The following TRAM1 variants were observed in gnomAD, a reference collection of about 807,000 sequenced individuals.
The protein encoded by TRAM1 is translocating chain-associated membrane protein 1.
Under a neutral mutation model 48.7 loss-of-function variants are expected in TRAM1, and 17 were observed. The observed-to-expected ratio is 0.35, with a 90% CI of 0.24 to 0.52. TRAM1 has a LOEUF of 0.52. TRAM1 is among the 20% of genes least tolerant of loss of function. The pLI is 0.94. For missense variants in TRAM1, 351 were observed against 441.5 expected (o/e 0.79, Z 1.84); for synonymous variants, 182 against 154.0 (o/e 1.18, Z -1.34).
chr8:70,600,517 C>T (rs1285263739), intron 1 of TRAM1, among the ~76,000 whole-genome samples: 2 of 152,160 alleles, frequency 1.3e-5, no homozygotes, highest in African/African-American at 2.4e-5. Flanking sequence ...TAGTATCCCA[C>T]ACACCCAGCA....
chr8:70,601,210 TA>T (rs1817602136), intron 1 of TRAM1, among the ~76,000 whole-genome samples: 1 of 152,112 alleles, frequency 6.6e-6, no homozygotes, highest in Non-Finnish European at 1.5e-5. Context: ...CCCTACCTGC[TA>T]AAAATCCTTC....
At chr8:70,590,091 A>T (rs1817318289) in intron 6 of TRAM1, among the ~76,000 whole-genome samples, 1 of 151,996 alleles carries the variant, frequency 6.6e-6, no homozygotes, top group Admixed American at 6.6e-5. Flanking sequence ...TTTAGTTTTT[A>T]ACTGCTGATT....
chr8:70,598,185 G>A lies in TRAM1; in HGVS notation c.258C>T (p.Tyr86=). The A allele has an allele frequency of 6.2e-7, 1 of 1,613,340 alleles. No homozygotes were observed. Among genetic ancestry groups the A allele is most frequent in the Admixed American group, 1.7e-5 (1 of 59,936 alleles). ...CATGAATAATTATCGCCACTAGCAT[G>A]TAGAAGAAAACAGTAGCCAAATCTT... The part of the protein sequence containing the change: ...GIKDLATVFF[Y]MLVAIIIHAV... The change falls in exon 3 of 11, where the codon TAC becomes TAT. Residue 86 remains tyrosine (Y), a synonymous_variant. Transcript: ENST00000262213.
At position 70,574,856 on chromosome 8, in the gene TRAM1, G is replaced by GA. The variant is rs1318215498; in HGVS notation, c.*75dup. 4 of 1,069,790 alleles carry GA rather than the reference G, an allele frequency of 3.7e-6. No homozygotes were observed. The African/African-American group carries it at 6.4e-5, about 17-fold the overall frequency. 66.3% of individuals were successfully genotyped at this position (1,069,790 alleles called of 1,614,324 possible). On this transcript the variant is annotated 3_prime_UTR_variant, in exon 11 of 11. Transcript: ENST00000262213. The stretch of plus-strand genomic sequence containing the variant: ...AGCACAGACTGTATTTTCAAGAACA[G>GA]AAAAATCTCTAATGCTGAAAGATAT...
At position 70,574,474 on chromosome 8, in the gene TRAM1, A is replaced by C. The variant is rs1444647392; in HGVS notation, c.*458T>G. The C allele has an allele frequency of 4.7e-6, 1 of 210,772 alleles. No individual in the cohort carries two copies. The allele number at this position is 210,772 out of a possible 1,614,324, so 13.1% of individuals were successfully genotyped here. A position where few individuals can be genotyped will look rare whatever the true frequency, so the allele number is the denominator to read the frequency against. ...TACAAAAATTCCAAAAAATTAGAGA[A>C]CACTGAAAACATATTAAAGTTTGAC... On this transcript the variant is annotated 3_prime_UTR_variant, in exon 11 of 11. Transcript: ENST00000262213.
At position 70,579,647 on chromosome 8, in the gene TRAM1, A is replaced by G. The variant is rs145180408; in HGVS notation, c.1051+3517T>C. The stretch of plus-strand genomic sequence containing the variant: ...AACTCTATGACTAACTAAATCTTGC[A>G]GAAAAAGCATTTCTTAACATTCCAC... On this transcript the variant is annotated intron_variant, in intron 10 of 10. Coordinates refer to ENST00000262213, the MANE Select transcript of TRAM1 (RefSeq NM_014294.6). 4.4e-3 allele frequency among the ~76,000 whole-genome samples: 675 copies of G among 152,354 alleles called. 4 individuals are homozygous for G. Among genetic ancestry groups the G allele is most frequent in the South Asian group, 0.016 (76 of 4,834 alleles).
intron 6 of TRAM1, among the ~76,000 whole-genome samples, chr8:70,591,660 A>G (rs1346252580): frequency 6.6e-6 from 1 of 152,204 alleles, no homozygotes; most frequent in Non-Finnish European, 1.5e-5. Context: ...AAAAATAAAC[A>G]AAGCTGAATA....
Position 70,586,932 on chromosome 8 carries a change from G to A in TRAM1, c.709C>T (p.Arg237Cys). Reference protein sequence around the residue: ...YFVEFLFHISRLFYFSNEKYQ... With the variant: ...YFVEFLFHISCLFYFSNEKYQ... ...TTTTCATTGCTAAAATAAAACAGGCGGGAAATGTGGAAAAGAAATTCAACA... is the reference window on the plus strand; with the variant it reads ...TTTTCATTGCTAAAATAAAACAGGCAGGAAATGTGGAAAAGAAATTCAACA... The change falls in exon 8 of 11, where the codon CGC becomes TGC. Residue 237 changes from arginine to cysteine, a missense_variant. By Grantham distance (180) the Arg-to-Cys change is radical. Coordinates refer to ENST00000262213, the MANE Select transcript of TRAM1 (RefSeq NM_014294.6). 6.8e-6 allele frequency: 11 copies of A among 1,613,682 alleles called. No homozygotes were observed. The highest frequency in any genetic ancestry group is 1.1e-5 in the South Asian group (1 of 91,056).
intron 10 of TRAM1, among the ~76,000 whole-genome samples, chr8:70,578,617 A>G (rs899758486): frequency 2.0e-5 from 3 of 152,228 alleles, no homozygotes; most frequent in Non-Finnish European, 4.4e-5. Flanking sequence ...TGGGCGACAG[A>G]GCAAGACCCT....
At chr8:70,576,386 C>T (rs998067451) in intron 10 of TRAM1, among the ~76,000 whole-genome samples, 1 of 152,120 alleles carries the variant, frequency 6.6e-6, no homozygotes, top group African/African-American at 2.4e-5. Flanking sequence ...GCTTACGTTA[C>T]TAACAACATG....
At position 70,574,936 on chromosome 8, in the gene TRAM1, G is replaced by A. The variant is rs1171660493; in HGVS notation, c.1121C>T (p.Ser374Leu). 6.3e-7 allele frequency: 1 copy of A among 1,597,256 alleles called. No individual in the cohort carries two copies. The highest frequency in any genetic ancestry group is 1.1e-5 in the South Asian group (1 of 90,348). Residue 374 changes from serine to leucine, a missense_variant, in exon 11 of 11, where the codon TCA (serine) becomes TTA (leucine). Physicochemically the swap from Ser to Leu is moderately radical, Grantham distance 145. Coordinates refer to ENST00000262213, the MANE Select transcript of TRAM1 (RefSeq NM_014294.6). ...AATCAATTAGTTTATAATTCATTATGAAGATTTCTCTTTTTTATTCCGGGG... is the reference window on the plus strand; with the variant it reads ...AATCAATTAGTTTATAATTCATTATAAAGATTTCTCTTTTTTATTCCGGGG... ...DSPRNKKEKSS is the reference protein window; with the variant it reads ...DSPRNKKEKSL
intron 1 of TRAM1, 21 bp downstream of exon 1, chr8:70,608,056 T>C: frequency 6.3e-7 from 1 of 1,577,954 alleles, no homozygotes; most frequent in Admixed American, 1.8e-5. Flanking sequence ...GGCAGGCGGT[T>C]GGGACTCGGG....
Position 70,574,210 on chromosome 8 carries a change from A to C in TRAM1, c.*722T>G, listed in dbSNP as rs899870217. On this transcript the variant is annotated 3_prime_UTR_variant, in exon 11 of 11. Coordinates refer to ENST00000262213, the MANE Select transcript of TRAM1 (RefSeq NM_014294.6). ...ATGTCAGATTTTCCTGTTCATAGTAAATATTTTCTGATTTCCAGTTTACAA... is the reference window on the plus strand; with the variant it reads ...ATGTCAGATTTTCCTGTTCATAGTACATATTTTCTGATTTCCAGTTTACAA... The C allele has an allele frequency of 2.4e-6, 1 of 408,590 alleles. No individual in the cohort carries two copies. The highest frequency in any genetic ancestry group is 4.7e-6 in the Non-Finnish European group (1 of 212,666). 25.3% of individuals were successfully genotyped at this position (408,590 alleles called of 1,614,324 possible).
intron 1 of TRAM1, among the ~76,000 whole-genome samples, chr8:70,606,537 T>C (rs1817723095): frequency 6.6e-6 from 1 of 152,238 alleles, no homozygotes; most frequent in African/African-American, 2.4e-5. Context: ...CATCTGATAC[T>C]TGCAAAAAAT....
At chr8:70,600,139 G>A in intron 1 of TRAM1, 57 bp from the exon 2 acceptor site, 1 of 1,412,212 alleles carries the variant, frequency 7.1e-7, no homozygotes, top group South Asian at 1.2e-5. Flanking sequence ...CCAAATAACA[G>A]ATCGGGGCAA....
chr8:70,605,918 A>C (rs1236280657), intron 1 of TRAM1, among the ~76,000 whole-genome samples: 2 of 152,234 alleles, frequency 1.3e-5, no homozygotes, highest in East Asian at 1.9e-4. Flanking sequence ...GAAATATAGT[A>C]AGAGAATGTA....
In TRAM1 at chr8:70,583,807, G is replaced by A; in HGVS notation, c.747-14C>T. ...CACAGAGAAAATCTGCAAGAAAAAG[G>A]CCGTAAGTCAAATTCCTGAAATCTC... On this transcript the variant is annotated splice_polypyrimidine_tract_variant and intron_variant, in intron 8 of 10. Transcript: ENST00000262213. The A allele has an allele frequency of 6.6e-7, 1 of 1,521,008 alleles. No homozygotes were observed. The highest frequency in any genetic ancestry group is 8.8e-7 in the Non-Finnish European group (1 of 1,140,186). 94.2% of individuals were successfully genotyped at this position (1,521,008 alleles called of 1,614,324 possible).
Position 70,608,322 on chromosome 8 carries a change from G to A in TRAM1, c.-123C>T. On this transcript the variant is annotated 5_prime_UTR_variant, in exon 1 of 11. Transcript: ENST00000262213. ...CGGCCCCGCTGCAGCCGCTCGCTGG[G>A]GCTTCACTTCCCATCCCACAGCCAG... is the stretch of plus-strand genomic sequence containing the variant. 1.5e-6 allele frequency: 2 copies of A among 1,335,352 alleles called. No homozygotes were observed. Among genetic ancestry groups the A allele is most frequent in the Non-Finnish European group, 2.0e-6 (2 of 1,013,972 alleles). 82.7% of individuals were successfully genotyped at this position (1,335,352 alleles called of 1,614,324 possible).
intron 10 of TRAM1, 91 bp downstream of exon 10, chr8:70,583,073 G>T: frequency 7.3e-7 from 1 of 1,375,932 alleles, no homozygotes; most frequent in Non-Finnish European, 9.8e-7. Context: ...TTCTTTATAA[G>T]ACACCTTAAA....
Sources: allele counts gnomAD v4.1 joint callset (sites outside exome capture counted in the v4.1 genomes callset), GRCh38; gene constraint gnomAD v4.1.1; transcripts MANE v1.5; gene names NCBI Gene and HGNC (gene_info 2026-07-23, HGNC 2026-07-21).